The following ABCC5 variants were observed in gnomAD, a reference collection of about 807,000 sequenced individuals.
ABCC5 encodes the protein ATP binding cassette subfamily C member 5, also known as ATP-binding cassette sub-family C member 5.
In ABCC5, 61 loss-of-function variants were observed where a neutral mutation model predicts 160.9. That is an observed-to-expected ratio of 0.38 (90% CI 0.31 to 0.47). The LOEUF (loss-of-function observed/expected upper bound fraction) is 0.47. ABCC5 is among the 20% of genes least tolerant of loss of function. ABCC5 has a pLI of 0.99. For synonymous variants in ABCC5, 666 were observed against 700.6 expected (o/e 0.95, Z 0.78); for missense variants, 1,308 against 1,813.3 (o/e 0.72, Z 5.06).
At position 183,953,135 on chromosome 3, in the gene ABCC5, G is replaced by A. The variant is rs767671811; in HGVS notation, c.2618C>T (p.Thr873Ile). ...MALFMLNVGS[T>I]AFSTWWLSYW... ...ACTCAACCACCAGGTGCTGAAGGCGGTGCTGCCTACATTCAGCATGAAAAG... is the reference window on the plus strand; with the variant it reads ...ACTCAACCACCAGGTGCTGAAGGCGATGCTGCCTACATTCAGCATGAAAAG... The change falls in exon 18 of 30, where the codon ACC (threonine) becomes ATC (isoleucine). Residue 873 changes from threonine (T) to isoleucine (I), a missense_variant. By Grantham distance (89) the Thr-to-Ile change is moderately conservative. Around this residue, in one of 3 missense-constraint regions of ABCC5, gnomAD observed 1,142 missense variants for 1,527.1 expected, o/e 0.75. Coordinates refer to ENST00000334444, the MANE Select transcript of ABCC5 (RefSeq NM_005688.4). 6.2e-7 allele frequency: 1 copy of A among 1,614,044 alleles called. No individual in the cohort carries two copies. Among genetic ancestry groups the A allele is most frequent in the Non-Finnish European group, 8.5e-7 (1 of 1,180,018 alleles).
chr3:183,963,396 G>A lies in ABCC5; in HGVS notation c.2224C>T (p.His742Tyr). ...LKSKTVLFVTHQLQYLVDCDE... is the reference protein window; with the variant it reads ...LKSKTVLFVTYQLQYLVDCDE... The stretch of plus-strand genomic sequence containing the variant: ...AGAAAGAACCATACCTGTAACTGGT[G>A]GGTAACAAACAGAACTGTCTTGGAC... The change falls in exon 15 of 30, where the codon CAC becomes TAC. Residue 742 changes from histidine to tyrosine, a missense_variant. By Grantham distance (83) the His-to-Tyr change is moderately conservative (BLOSUM62 2). Transcript: ENST00000334444. This position sits in a 1 kb window ranked among gnomAD's most constrained non-coding sequence, Gnocchi z 4.6. 2 of 1,614,226 alleles carry A rather than the reference G, an allele frequency of 1.2e-6. No individual in the cohort carries two copies. The highest frequency in any genetic ancestry group is 1.7e-6 in the Non-Finnish European group (2 of 1,180,038).
At chr3:184,006,490 G>C (rs1721222394) in intron 2 of ABCC5, 1 of 151,996 alleles carries the variant, frequency 6.6e-6, no homozygotes, top group Admixed American at 6.6e-5. Flanking sequence ...AAAACACAAG[G>C]GCATAGACAA....
intron 25 of ABCC5, among the ~76,000 whole-genome samples, chr3:183,940,630 T>C (rs542635492): frequency 1.2e-4 from 18 of 152,094 alleles, no homozygotes; most frequent in Admixed American, 2.6e-4. Flanking sequence ...ATGGGTCAAG[T>C]TGTTCCAGTT....
intron 2 of ABCC5, among the ~76,000 whole-genome samples, chr3:184,007,938 G>A (rs1001164949): frequency 3.3e-5 from 5 of 152,198 alleles, no homozygotes. Flanking sequence ...ACAAGGACTA[G>A]GTATCCCTAT....
rs1715295569 is a variant in ABCC5 at position 183,951,047 on chromosome 3, A to G, written c.2944+394T>C. On this transcript the variant is annotated intron_variant, in intron 20 of 29. Transcript: ENST00000334444. The surrounding 1 kb of genome is among the most constrained non-coding windows in gnomAD (Gnocchi z 4.7). ...AAACACTGAGCATGCTGCTTGCTAC[A>G]CAGGAAGCCCCCTGTCAATGTCAGG... 6.6e-6 allele frequency among the ~76,000 whole-genome samples: 1 copy of G among 152,202 alleles called. No homozygotes were observed. The highest frequency in any genetic ancestry group is 1.5e-5 in the Non-Finnish European group (1 of 68,038).
At chr3:184,014,835 C>T (rs930340267) in intron 1 of ABCC5, among the ~76,000 whole-genome samples, 3 of 151,966 alleles carry the variant, frequency 2.0e-5, no homozygotes, top group Non-Finnish European at 4.4e-5. Context: ...AAAAACTCCA[C>T]AATTTTAAAG....
intron 17 of ABCC5, among the ~76,000 whole-genome samples, chr3:183,956,518 TCGG>T (rs1180525974): frequency 1.1e-4 from 15 of 139,338 alleles, no homozygotes; most frequent in East Asian, 8.0e-4. Flanking sequence ...GTATATCACA[TCGG>T]TTACATGCAG....
At position 183,982,094 on chromosome 3, in the gene ABCC5, A is replaced by C. The variant is rs1049252570; in HGVS notation, c.1000-220T>G. On this transcript the variant is annotated intron_variant, in intron 7 of 29. Coordinates refer to ENST00000334444, the MANE Select transcript of ABCC5 (RefSeq NM_005688.4). This position sits in a 1 kb window ranked among gnomAD's most constrained non-coding sequence, Gnocchi z 5.2. ...CTTTATAAGGCAATGAAGACAAGAA[A>C]GTATTTATTCTCAATAGTGACCACA... Among the ~76,000 whole-genome samples the C allele has an allele frequency of 6.6e-6, 1 of 152,212 alleles. No homozygotes were observed. The highest frequency in any genetic ancestry group is 1.5e-5 in the Non-Finnish European group (1 of 68,042).
At chr3:183,922,342 C>T (rs927061537) in intron 29 of ABCC5, among the ~76,000 whole-genome samples, 1 of 150,436 alleles carries the variant, frequency 6.6e-6, no homozygotes, top group African/African-American at 2.4e-5. Flanking sequence ...ATTGCACTCC[C>T]AGCCTGGGCA....
At chr3:183,922,189 T>C (rs1209893766) in intron 29 of ABCC5, among the ~76,000 whole-genome samples, 1 of 151,982 alleles carries the variant, frequency 6.6e-6, no homozygotes, top group Non-Finnish European at 1.5e-5. Context: ...CTGACCAACA[T>C]GGTGAAACCC....
rs939443299 is a variant in ABCC5, at chr3:183,949,572, C to T, written c.3227+181G>A. On this transcript the variant is annotated intron_variant, in intron 22 of 29. Coordinates refer to ENST00000334444, the MANE Select transcript of ABCC5 (RefSeq NM_005688.4). This position sits in a 1 kb window ranked among gnomAD's most constrained non-coding sequence, Gnocchi z 4.2. ...ATCTGTATTTCTGTTTTCTCACTTGCTCAGAAAGGAGTCCCGCCAAGCAAT... is the reference window on the plus strand; with the variant it reads ...ATCTGTATTTCTGTTTTCTCACTTGTTCAGAAAGGAGTCCCGCCAAGCAAT... Among the ~76,000 whole-genome samples the T allele has an allele frequency of 5.3e-5, 8 of 152,268 alleles. No homozygotes were observed. Among genetic ancestry groups the T allele is most frequent in the Admixed American group, 3.3e-4 (5 of 15,290 alleles).
Position 183,981,844 on chromosome 3 carries a change from T to C in ABCC5, c.1030A>G (p.Arg344Gly). ...MFASRLTAYF[R>G]RKCVAATDER... The stretch of plus-strand genomic sequence containing the variant: ...TCCGTGGCGGCCACGCATTTTCTCC[T>C]GAAATATGCTGTGAGCCGTGATGCA... The change falls in exon 8 of 30, where the codon AGG becomes GGG. Residue 344 changes from arginine to glycine, a missense_variant. Physicochemically the swap from Arg to Gly is moderately radical, Grantham distance 125. This residue lies in a region of ABCC5 where 1,142 missense variants were observed against 1,527.1 expected (regional missense o/e 0.75). Transcript: ENST00000334444. 6.2e-7 allele frequency: 1 copy of C among 1,609,356 alleles called. No individual in the cohort carries two copies. Among genetic ancestry groups the C allele is most frequent in the Non-Finnish European group, 8.5e-7 (1 of 1,178,766 alleles).
In ABCC5 at chr3:183,988,108, T is replaced by C. The variant is rs943871365; in HGVS notation, c.444-191A>G. On this transcript the variant is annotated intron_variant, in intron 4 of 29. Coordinates refer to ENST00000334444, the MANE Select transcript of ABCC5 (RefSeq NM_005688.4). The surrounding 1 kb of genome is among the most constrained non-coding windows in gnomAD (Gnocchi z 4.4). ...TAGGGAACTACACATTTACCCTGTA[T>C]AAGGAGCCTCCCAGGATACAGAAAA... Among the ~76,000 whole-genome samples, 5 of 152,150 alleles carry C rather than the reference T, an allele frequency of 3.3e-5. No homozygotes were observed. The highest frequency in any genetic ancestry group is 5.9e-5 in the Non-Finnish European group (4 of 68,024).
chr3:183,930,943 C>T (rs375039183), intron 26 of ABCC5, among the ~76,000 whole-genome samples: 28 of 152,324 alleles, frequency 1.8e-4, no homozygotes, highest in African/African-American at 6.5e-4. Context: ...CTTTCATCCA[C>T]AAGGATATGC....
At position 183,984,772 on chromosome 3, in the gene ABCC5, GTGGAACT is replaced by G. The variant is rs1417044656; in HGVS notation, c.592-1772_592-1766del. 1.9e-6 allele frequency: 3 copies of G among 1,546,446 alleles called. No homozygotes were observed. The African/African-American group carries it at 4.1e-5, about 21-fold the overall frequency. On this transcript the variant is annotated intron_variant, in intron 5 of 29. Coordinates refer to ENST00000334444, the MANE Select transcript of ABCC5 (RefSeq NM_005688.4). ...TCTTTTCCAGTATGCAATCCAAAATGTGGAACTGAGTCACAGGGCCAAAGCCCCCTTT... is the reference window on the plus strand; with the variant it reads ...TCTTTTCCAGTATGCAATCCAAAATGGAGTCACAGGGCCAAAGCCCCCTTT...
intron 2 of ABCC5, among the ~76,000 whole-genome samples, chr3:184,011,754 A>G (rs1394128482): frequency 6.6e-6 from 1 of 152,236 alleles, no homozygotes; most frequent in Non-Finnish European, 1.5e-5. Flanking sequence ...CAACAAAATT[A>G]GATGGCTATC....
Position 183,950,022 on chromosome 3 carries a change from C to A in ABCC5, c.3048G>T (p.Val1016=), listed in dbSNP as rs201684485. 6.8e-6 allele frequency: 11 copies of A among 1,614,024 alleles called. No homozygotes were observed. In the Admixed American group the frequency reaches 8.3e-5, roughly 12 times the overall value. The change falls in exon 21 of 30, where the codon GTG becomes GTT. Residue 1016 remains valine (V), a synonymous_variant. Transcript: ENST00000334444. The stretch of plus-strand genomic sequence containing the variant: ...AGAGGATGACAAGGGGCCCCACTGC[C>A]ACAAGGAACCACGGGAAGACTCCTG... ...MIAGVFPWFL[V]AVGPLVILFS...
In ABCC5 at chr3:183,949,995, A is replaced by T; in HGVS notation, c.3075T>A (p.Phe1025Leu). The change falls in exon 21 of 30, where the codon TTT (phenylalanine) becomes TTA (leucine). Residue 1025 changes from phenylalanine (F) to leucine (L), a missense_variant. Phe to Leu is a conservative substitution (Grantham distance 22, BLOSUM62 0). Around this residue, in one of 3 missense-constraint regions of ABCC5, gnomAD observed 1,142 missense variants for 1,527.1 expected, o/e 0.75. Transcript: ENST00000334444. The surrounding 1 kb of genome is among the most constrained non-coding windows in gnomAD (Gnocchi z 4.2). Reference protein sequence around the residue: ...LVAVGPLVILFSVLHIVSRVL... With the variant: ...LVAVGPLVILLSVLHIVSRVL... The stretch of plus-strand genomic sequence containing the variant: ...ACCTGGAGACAATGTGCAGGACTGA[A>T]AAGAGGATGACAAGGGGCCCCACTG... The T allele has an allele frequency of 6.2e-7, 1 of 1,614,158 alleles. No homozygotes were observed. Among genetic ancestry groups the T allele is most frequent in the Non-Finnish European group, 8.5e-7 (1 of 1,180,018 alleles).
At chr3:184,000,379 C>T (rs1047284560) in intron 2 of ABCC5, among the ~76,000 whole-genome samples, 6 of 151,842 alleles carry the variant, frequency 4.0e-5, no homozygotes, top group Non-Finnish European at 7.4e-5. Context: ...TAAGAAGTAA[C>T]CAAGTAGCTA....
Sources: gnomAD v4.1 joint callset for allele counts (sites outside exome capture counted in the v4.1 genomes callset) on GRCh38, gnomAD v4.1.1 for gene constraint, gnomAD v4.1.1 regional missense constraint, Gnocchi (gnomAD v3.1) non-coding constraint, MANE v1.5 for transcripts, NCBI Gene and HGNC (gene_info 2026-07-23, HGNC 2026-07-21) for gene names.